KANSL1: variants seen among roughly 807,000 people sequenced by gnomAD.
KANSL1 encodes the protein KAT8 regulatory NSL complex subunit 1.
Under a neutral mutation model 103.6 loss-of-function variants are expected in KANSL1, and 22 were observed. That is an observed-to-expected ratio of 0.21 (90% CI 0.15 to 0.30). The LOEUF (loss-of-function observed/expected upper bound fraction) is 0.30. Ranked by LOEUF, KANSL1 falls within the 10% of genes least tolerant of loss-of-function variation. KANSL1 has a pLI of 1.00. For missense variants in KANSL1, 1,337 were observed against 1,399.8 expected, an observed-to-expected ratio of 0.96 and a Z score of 0.72; for synonymous variants, 600 against 527.6, an observed-to-expected ratio of 1.14 and a Z score of -1.88.
intron 1 of KANSL1, among the ~76,000 whole-genome samples, chr17:46,179,466 T>C (rs2046679862): frequency 6.6e-6 from 1 of 152,178 alleles, no homozygotes; most frequent in Non-Finnish European, 1.5e-5. Context: ...CAACCACACT[T>C]GCACTGAAAG....
intron 1 of KANSL1, among the ~76,000 whole-genome samples, chr17:46,216,616 A>AAAAAAAAAAAAT (rs778351416): frequency 6.8e-6 from 1 of 147,872 alleles, no homozygotes. Context: ...AAAAAAAAAA[A>AAAAAAAAAAAAT]GTTTCAAAGA....
chr17:46,145,236 A>T (rs2044637866), intron 2 of KANSL1, among the ~76,000 whole-genome samples: 1 of 152,248 alleles, frequency 6.6e-6, no homozygotes, highest in Non-Finnish European at 1.5e-5. Context: ...CATGCTTTAA[A>T]GTCCATGTTC....
chr17:46,170,499 C>A, intron 2 of KANSL1: 2 of 273,054 alleles, frequency 7.3e-6, no homozygotes, highest in Non-Finnish European at 6.5e-6. Context: ...AACAAAATCT[C>A]AACAATCAGG....
At chr17:46,034,006 T>C (rs1223076079) in intron 11 of KANSL1, among the ~76,000 whole-genome samples, 155 bp downstream of exon 11, 1 of 152,198 alleles carries the variant, frequency 6.6e-6, no homozygotes, top group African/African-American at 2.4e-5. Context: ...GAGAGAACTA[T>C]ATACAGAAAT....
At chr17:46,112,252 T>C (rs1454030854) in intron 2 of KANSL1, among the ~76,000 whole-genome samples, 1 of 148,792 alleles carries the variant, frequency 6.7e-6, no homozygotes, top group Non-Finnish European at 1.5e-5. Context: ...CCTGTAGTCC[T>C]AGCTACTCAG....
intron 8 of KANSL1, 160 bp from the exon 9 acceptor site, chr17:46,039,375 A>AGG: frequency 1.5e-6 from 1 of 674,240 alleles, no homozygotes; most frequent in Non-Finnish European, 2.4e-6. Flanking sequence ...CACAATGGCT[A>AGG]GGATAGGCAC....
chr17:46,158,252 C>G (rs1446679169), intron 2 of KANSL1, among the ~76,000 whole-genome samples: 1 of 152,186 alleles, frequency 6.6e-6, no homozygotes, highest in South Asian at 2.1e-4. Flanking sequence ...ATAATGAAAG[C>G]ATTTTATTTT....
chr17:46,151,016 G>A (rs575124049), intron 2 of KANSL1, among the ~76,000 whole-genome samples: 1 of 151,416 alleles, frequency 6.6e-6, no homozygotes, highest in East Asian at 1.9e-4. Context: ...ACATAGACAA[G>A]TTCAGTCTAC....
At chr17:46,066,044 A>G (rs1460328495) in intron 6 of KANSL1, among the ~76,000 whole-genome samples, 1 of 152,086 alleles carries the variant, frequency 6.6e-6, no homozygotes, top group Non-Finnish European at 1.5e-5. Flanking sequence ...CTTTGTAGAG[A>G]TGAAGGTCTC....
At chr17:46,198,176 C>T (rs1300476525), upstream of KANSL1, among the ~76,000 whole-genome samples, 2 of 152,182 alleles carry the variant, frequency 1.3e-5, no homozygotes, top group South Asian at 2.1e-4. Flanking sequence ...CTAGGTAGCC[C>T]GATTCTAATC....
chr17:46,139,832 A>G (rs530765104), intron 2 of KANSL1, among the ~76,000 whole-genome samples: 5 of 152,236 alleles, frequency 3.3e-5, no homozygotes, highest in Non-Finnish European at 5.9e-5. Context: ...CCTTAAAAAA[A>G]GAGGAAGGAA....
At chr17:46,131,224 ATGG>A (rs996639688) in intron 2 of KANSL1, among the ~76,000 whole-genome samples, 112 of 152,352 alleles carry the variant, frequency 7.4e-4, no homozygotes, top group African/African-American at 2.5e-3. Context: ...ATGAATAAAA[ATGG>A]TTGTTCAAAT....
At chr17:46,162,248 T>C (rs2045780732) in intron 2 of KANSL1, among the ~76,000 whole-genome samples, 1 of 152,244 alleles carries the variant, frequency 6.6e-6, no homozygotes. Context: ...CATGAATTTC[T>C]ACCCAGCTTG....
chr17:46,155,155 A>ATTTT (rs33974360), intron 2 of KANSL1, among the ~76,000 whole-genome samples: 37 of 103,828 alleles, frequency 3.6e-4, no homozygotes, highest in East Asian at 9.1e-4. Context: ...TCAGCCAGGG[A>ATTTT]TTTTTTTTTT....
chr17:46,180,231 C>T lies in KANSL1; in HGVS notation c.-89-7999G>A, dbSNP rs558330865. Among the ~76,000 whole-genome samples, 20 of 152,248 alleles carry T rather than the reference C, an allele frequency of 1.3e-4. No individual in the cohort carries two copies. The South Asian group carries it at 4.1e-3, about 32-fold the overall frequency. ...AGTAGAGGGGCCAGGCACAGTGGCT[C>T]ACGCCTGCAATCCCCGCACTTTGGG... On this transcript the variant is annotated intron_variant, in intron 1 of 14. Transcript: ENST00000432791.
intron 2 of KANSL1, among the ~76,000 whole-genome samples, chr17:46,163,829 T>C (rs1010491847): frequency 3.3e-5 from 5 of 152,256 alleles, no homozygotes; most frequent in Admixed American, 3.3e-4. Context: ...CATCTGTACC[T>C]ATAATACTAT....
chr17:46,183,892 G>A (rs574330606), intron 1 of KANSL1, among the ~76,000 whole-genome samples: 12 of 152,300 alleles, frequency 7.9e-5, no homozygotes, highest in South Asian at 2.1e-4. Context: ...CAGCGTAGGC[G>A]ACAGAATGAG....
intron 2 of KANSL1, among the ~76,000 whole-genome samples, chr17:46,164,927 C>T (rs1451465692): frequency 1.3e-5 from 2 of 152,158 alleles, no homozygotes; most frequent in Non-Finnish European, 2.9e-5. Flanking sequence ...CCCAACCCAC[C>T]ACTTTATGAA....
At chr17:46,180,312 G>A (rs956714977) in intron 1 of KANSL1, among the ~76,000 whole-genome samples, 2 of 151,486 alleles carry the variant, frequency 1.3e-5, no homozygotes, top group South Asian at 2.1e-4. Flanking sequence ...CCTGGCCAAC[G>A]TGGTGAAAAC....
Sources: gnomAD v4.1 joint callset for allele counts (sites outside exome capture counted in the v4.1 genomes callset) on GRCh38, gnomAD v4.1.1 for gene constraint, MANE v1.5 for transcripts, NCBI Gene and HGNC (gene_info 2026-07-23, HGNC 2026-07-21) for gene names.